Variants in TNKS2 observed in about 807,000 individuals in gnomAD.
The protein encoded by TNKS2 is tankyrase 2.
Under a neutral mutation model 137.6 loss-of-function variants are expected in TNKS2, and 72 were observed. That is an observed-to-expected ratio of 0.52 (90% confidence interval 0.43 to 0.64). The LOEUF (loss-of-function observed/expected upper bound fraction) is 0.64. Ranked by LOEUF, TNKS2 falls within the 30% of genes least tolerant of loss-of-function variation. TNKS2 has a pLI of 0.00. For missense variants in TNKS2, 1,049 were observed against 1,410.2 expected (o/e 0.74, Z 4.10); for synonymous variants, 516 against 512.1 (o/e 1.01, Z -0.10).
At position 91,798,496 on chromosome 10, in the gene TNKS2, C is replaced by T. The variant is rs527627481; in HGVS notation, c.-195C>T. ...GCTGCCTCCGCCGCCGCGGGGCAGC[C>T]GGGGGGCAGGGAGCCCAGCGAGGGG... On this transcript the variant is annotated 5_prime_UTR_variant, in exon 1 of 27. Transcript: ENST00000371627. 605 of 523,734 alleles carry T rather than the reference C, an allele frequency of 1.2e-3. 3 individuals are homozygous for T. Among genetic ancestry groups the T allele is most frequent in the Non-Finnish European group, 1.5e-3 (543 of 360,286 alleles). The allele number at this position is 523,734 out of a possible 1,614,324, so 32.4% of individuals were successfully genotyped here. A position where few individuals can be genotyped will look rare whatever the true frequency, so the allele number is the denominator to read the frequency against.
chr10:91,820,949 C>T (rs968288393), intron 6 of TNKS2, among the ~76,000 whole-genome samples: 4 of 152,172 alleles, frequency 2.6e-5, no homozygotes, highest in African/African-American at 7.2e-5. Context: ...GATACACATA[C>T]GAAATACAGG....
chr10:91,846,007 T>A, intron 18 of TNKS2, 67 bp downstream of exon 18: 1 of 1,371,930 alleles, frequency 7.3e-7, no homozygotes. Context: ...TTGATGTTAT[T>A]ATAAAATGTC....
chr10:91,841,529 T>A, intron 15 of TNKS2, 81 bp downstream of exon 15: 1 of 1,132,234 alleles, frequency 8.8e-7, no homozygotes, highest in Non-Finnish European at 1.2e-6. Flanking sequence ...TAGTATAAAG[T>A]TAAACTAGTA....
At chr10:91,835,144 TAA>T (rs530134070) in intron 12 of TNKS2, among the ~76,000 whole-genome samples, 56 of 152,206 alleles carry the variant, frequency 3.7e-4, no homozygotes, top group South Asian at 2.1e-3. Context: ...ATGCTAACTA[TAA>T]AAGTCTCATC....
At chr10:91,848,745 A>G (rs1842457245) in intron 19 of TNKS2, 110 bp downstream of exon 19, 3 of 1,258,628 alleles carry the variant, frequency 2.4e-6, no homozygotes, top group East Asian at 4.7e-5. Flanking sequence ...TTAGTATAAA[A>G]TTAGTTAACA....
At chr10:91,858,883 C>G (rs1842781741) in intron 24 of TNKS2, among the ~76,000 whole-genome samples, 1 of 152,094 alleles carries the variant, frequency 6.6e-6, no homozygotes, top group Non-Finnish European at 1.5e-5. Context: ...GTGGTGTGCA[C>G]CTATAGTCCC....
intron 1 of TNKS2, among the ~76,000 whole-genome samples, chr10:91,806,964 G>A (rs889532208): frequency 1.3e-5 from 2 of 152,280 alleles, no homozygotes; most frequent in East Asian, 1.9e-4. Flanking sequence ...TGCATTTCTT[G>A]TTCAGTTTCC....
Position 91,834,039 on chromosome 10 carries a change from A to G in TNKS2, c.1447+15A>G, listed in dbSNP as rs1841911187. On this transcript the variant is annotated intron_variant, in intron 12 of 26. Coordinates refer to ENST00000371627, the MANE Select transcript of TNKS2 (RefSeq NM_025235.4). ...ACTCCTCCAAGGTATTACATGCTTC[A>G]ATGAAATTGATTTTTTTAAATTAAC... 1.3e-6 allele frequency: 2 copies of G among 1,509,828 alleles called. No individual in the cohort carries two copies. Among genetic ancestry groups the G allele is most frequent in the Admixed American group, 2.2e-5 (1 of 44,544 alleles). The allele number at this position is 1,509,828 out of a possible 1,614,324, so 93.5% of individuals were successfully genotyped here. A position where few individuals can be genotyped will look rare whatever the true frequency, so the allele number is the denominator to read the frequency against.
intron 25 of TNKS2, among the ~76,000 whole-genome samples, chr10:91,860,644 G>A (rs1410629493): frequency 6.6e-6 from 1 of 152,146 alleles, no homozygotes; most frequent in Non-Finnish European, 1.5e-5. Context: ...GGCATGATCT[G>A]GATATTAGAA....
chr10:91,799,852 T>C (rs1381226503), intron 1 of TNKS2, among the ~76,000 whole-genome samples: 1 of 152,242 alleles, frequency 6.6e-6, no homozygotes, highest in Non-Finnish European at 1.5e-5. Flanking sequence ...TTTTTTGTTT[T>C]GTGTATTTCA....
chr10:91,858,638 A>G (rs1217609479), intron 24 of TNKS2, among the ~76,000 whole-genome samples: 1 of 152,208 alleles, frequency 6.6e-6, no homozygotes, highest in Non-Finnish European at 1.5e-5. Context: ...ACATTTGCAG[A>G]TAGAATCTTG....
intron 13 of TNKS2, among the ~76,000 whole-genome samples, chr10:91,839,637 A>G (rs1465540108): frequency 6.6e-6 from 1 of 152,220 alleles, no homozygotes; most frequent in Non-Finnish European, 1.5e-5. Context: ...ATGGAGTGGT[A>G]TGGTTACTGA....
chr10:91,819,479 T>C lies in TNKS2; in HGVS notation c.558-3T>C, dbSNP rs1437052746. 4 of 1,587,202 alleles carry C rather than the reference T, an allele frequency of 2.5e-6. No individual in the cohort carries two copies. Among genetic ancestry groups the C allele is most frequent in the South Asian group, 1.2e-5 (1 of 85,258 alleles). On this transcript the variant is annotated splice_region_variant and splice_polypyrimidine_tract_variant and intron_variant, in intron 4 of 26. Coordinates refer to ENST00000371627, the MANE Select transcript of TNKS2 (RefSeq NM_025235.4). ...AATTACTAATACTTTTTTTGTATTC[T>C]AGGAGTGGCAATGAAGAAAAAATGA...
At chr10:91,810,920 CTTTTTTTTTTT>C (rs35240102) in intron 1 of TNKS2, among the ~76,000 whole-genome samples, 1 of 50,124 alleles carries the variant, frequency 2.0e-5, no homozygotes, top group African/African-American at 9.3e-5. Context: ...CTTTTCTTTT[CTTTTTTTTTTT>C]TTTTTTTTTT....
At chr10:91,849,313 G>A (rs1564626791) in intron 19 of TNKS2, among the ~76,000 whole-genome samples, 199 bp from the exon 20 acceptor site, 1 of 152,172 alleles carries the variant, frequency 6.6e-6, no homozygotes, top group Non-Finnish European at 1.5e-5. Flanking sequence ...AAAAATGAGA[G>A]TACTGAGACT....
intron 1 of TNKS2, 60 bp downstream of exon 1, chr10:91,798,949 A>G: frequency 7.6e-7 from 1 of 1,307,722 alleles, no homozygotes. Context: ...GCCGGGGCCC[A>G]CAGGTCTGAA....
At chr10:91,848,926 T>C (rs1025109752) in intron 19 of TNKS2, among the ~76,000 whole-genome samples, 1 of 152,184 alleles carries the variant, frequency 6.6e-6, no homozygotes, top group Non-Finnish European at 1.5e-5. Context: ...AACCTCTGCC[T>C]CAAGGGTTTA....
Position 91,819,011 on chromosome 10 carries a change from T to C in TNKS2, c.521-259T>C, listed in dbSNP as rs113493467. The stretch of plus-strand genomic sequence containing the variant: ...TTGGGCTTTCCTTTTCCTGAGCATA[T>C]TGATTTTATATAGTTGAGGTTGCCT... On this transcript the variant is annotated intron_variant, in intron 3 of 26. Transcript: ENST00000371627. 5.6e-3 allele frequency among the ~76,000 whole-genome samples: 860 copies of C among 152,296 alleles called. 9 individuals carry two copies. Among genetic ancestry groups the C allele is most frequent in the African/African-American group, 0.019 (796 of 41,574 alleles).
chr10:91,831,341 A>G (rs1360809730), intron 11 of TNKS2, among the ~76,000 whole-genome samples, 160 bp downstream of exon 11: 1 of 152,032 alleles, frequency 6.6e-6, no homozygotes, highest in Non-Finnish European at 1.5e-5. Context: ...CCTTTTCTAT[A>G]TCTAATTTTT....
Sources: allele counts gnomAD v4.1 joint callset (sites outside exome capture counted in the v4.1 genomes callset), GRCh38; gene constraint gnomAD v4.1.1; transcripts MANE v1.5; gene names NCBI Gene and HGNC (gene_info 2026-07-23, HGNC 2026-07-21).